The following MTERF4 variants were observed in gnomAD, a reference collection of about 807,000 sequenced individuals.
MTERF4 encodes the protein transcription termination factor 4, mitochondrial.
In MTERF4, 17 loss-of-function variants were observed where a neutral mutation model predicts 22.5. The ratio of observed to expected loss-of-function variants is 0.75; its 90% CI spans 0.52 to 1.13. The LOEUF is 1.13. Among genes scored for constraint, MTERF4 ranks in the 50% most tolerant of loss-of-function variants. MTERF4 has a pLI of 0.00. For synonymous variants in MTERF4, 165 were observed against 175.3 expected (o/e 0.94, Z 0.47); for missense variants, 420 against 466.8 (o/e 0.90, Z 0.92).
the MTERF4 span, chr2:241,065,424 T>C: frequency 6.2e-7 from 1 of 1,613,014 alleles, no homozygotes. Flanking sequence ...CACCTACGTC[T>C]CCTCCGACGG....
At chr2:241,068,788 G>A (rs572032564), downstream of MTERF4, 35 of 671,330 alleles carry the variant, frequency 5.2e-5, 1 homozygote, top group South Asian at 6.3e-4. The surrounding 1 kb of genome is among the most constrained non-coding windows in gnomAD (Gnocchi z 5.3). Context: ...GGTTGCCTGG[G>A]CCACCAGCAG....
At chr2:241,071,868 C>G, downstream of MTERF4, 10 of 1,600,550 alleles carry the variant, frequency 6.2e-6, no homozygotes, top group Non-Finnish European at 8.5e-6. Flanking sequence ...AAGCAGCCAC[C>G]GTGAGATCAC....
chr2:241,067,702 C>T (rs1191090088), downstream of MTERF4: 19 of 1,437,560 alleles, frequency 1.3e-5, no homozygotes, highest in Non-Finnish European at 1.7e-5. Flanking sequence ...TCATCTTGAG[C>T]CCCTGCACTC....
At chr2:241,052,056 G>T in the MTERF4 span, 3 of 1,613,774 alleles carry the variant, frequency 1.9e-6, no homozygotes, top group Admixed American at 5.0e-5. Context: ...CCAGACTCGT[G>T]TGCCTCTGGC....
At chr2:241,097,523 A>C in intron 2 of MTERF4, 96 bp from the exon 3 acceptor site, 1 of 1,202,188 alleles carries the variant, frequency 8.3e-7, no homozygotes, top group East Asian at 2.3e-5. Flanking sequence ...ATTTAAAAAC[A>C]AACAAGGATC....
chr2:241,049,830 C>A, the MTERF4 span: 2 of 1,613,752 alleles, frequency 1.2e-6, no homozygotes, highest in African/African-American at 1.3e-5. Context: ...TGCCATCACC[C>A]TGCGACTCGG....
At chr2:241,071,723 ACATG>A, downstream of MTERF4, 1 of 1,144,984 alleles carries the variant, frequency 8.7e-7, no homozygotes, top group Non-Finnish European at 1.2e-6. Flanking sequence ...CCCCCCAGGT[ACATG>A]CCCCACCCAT....
the MTERF4 span, chr2:241,063,794 G>A: frequency 1.0e-6 from 1 of 991,128 alleles, no homozygotes; most frequent in Non-Finnish European, 1.5e-6. Flanking sequence ...CTGCTGGGCA[G>A]GCCACCTGGG....
the MTERF4 span, chr2:241,064,706 G>A: frequency 2.6e-5 from 16 of 607,648 alleles, no homozygotes; most frequent in East Asian, 4.4e-4. This position sits in a 1 kb window ranked among gnomAD's most constrained non-coding sequence, Gnocchi z 7.0. Flanking sequence ...AGAACCGAAG[G>A]GAGGCAGTAG....
At position 241,099,617 on chromosome 2, in the gene MTERF4, A is replaced by G. The variant is rs1285406214; in HGVS notation, c.299T>C (p.Leu100Pro). Reference protein sequence around the residue: ...LELERVMSSLLDMGFSNAHIN... With the variant: ...LELERVMSSLPDMGFSNAHIN... ...ATGGGCATTGCTGAAACCCATGTCC[A>G]GGAGGGAACTCATGACCCTCTCTAG... Residue 100 changes from leucine (L) to proline (P), a missense_variant, in exon 2 of 4, where the codon CTG becomes CCG. Transcript: ENST00000391980. 4.3e-6 allele frequency: 7 copies of G among 1,614,130 alleles called. No homozygotes were observed. Among genetic ancestry groups the G allele is most frequent in the Admixed American group, 1.7e-5 (1 of 60,012 alleles).
chr2:241,043,790 A>G, the MTERF4 span, among the ~76,000 whole-genome samples: 1 of 152,230 alleles, frequency 6.6e-6, no homozygotes, highest in African/African-American at 2.4e-5. Flanking sequence ...CAACTCTACC[A>G]TTGTAATGTG....
the MTERF4 span, among the ~76,000 whole-genome samples, chr2:241,050,778 G>A: frequency 6.6e-6 from 1 of 152,140 alleles, no homozygotes; most frequent in South Asian, 2.1e-4. Context: ...AGCTGACTCT[G>A]GCCCTACTCC....
chr2:241,072,444 G>C (rs539443005), exon 5 of MTERF4: 75 of 357,188 alleles, frequency 2.1e-4, no homozygotes, highest in African/African-American at 1.5e-3. Context: ...GAGTGAGGCA[G>C]GCGCGACCCT....
chr2:241,089,264 C>T (rs185064626), downstream of MTERF4: 34 of 1,541,308 alleles, frequency 2.2e-5, no homozygotes, highest in East Asian at 6.6e-4. Context: ...TCTTCCTGCC[C>T]CTTATAGGAG....
rs561116073 is a variant in MTERF4 at position 241,075,041 on chromosome 2, C to G, written n.1121G>C. On this transcript the variant is annotated non_coding_transcript_exon_variant, in exon 5 of 5. Coordinates refer to the MTERF4 transcript ENST00000464344. This position sits in a 1 kb window ranked among gnomAD's most constrained non-coding sequence, Gnocchi z 4.8. ...TGTGATCGTTAGACCTGTGTTTTCA[C>G]TCCGCATTCTCGGACTGAGGTTGGC... The G allele has an allele frequency of 1.3e-5, 2 of 152,348 alleles. No homozygotes were observed. Among genetic ancestry groups the G allele is most frequent in the Admixed American group, 6.5e-5 (1 of 15,300 alleles). 9.4% of individuals were successfully genotyped at this position (152,348 alleles called of 1,614,324 possible). A position where few individuals can be genotyped will look rare whatever the true frequency, so the allele number is the denominator to read the frequency against.
downstream of MTERF4, among the ~76,000 whole-genome samples, chr2:241,070,951 C>T (rs1177660288): frequency 3.3e-5 from 5 of 152,196 alleles, no homozygotes; most frequent in East Asian, 5.8e-4. Context: ...GCTGGGGACA[C>T]GAAGTGCATA....
chr2:241,070,317 A>G (rs947459662), downstream of MTERF4: 126 of 1,126,446 alleles, frequency 1.1e-4, no homozygotes, highest in African/African-American at 1.7e-3. Context: ...GCCTAGAAAC[A>G]GGACCGTGTT....
chr2:241,051,879 G>T, the MTERF4 span: 6 of 1,520,758 alleles, frequency 3.9e-6, no homozygotes, highest in East Asian at 1.2e-4. This position sits in a 1 kb window ranked among gnomAD's most constrained non-coding sequence, Gnocchi z 4.7. Context: ...CCCAGGGGCA[G>T]GGGGGAGGGC....
chr2:241,066,850 C>T, the MTERF4 span, among the ~76,000 whole-genome samples: 1 of 152,180 alleles, frequency 6.6e-6, no homozygotes, highest in African/African-American at 2.4e-5. Flanking sequence ...GCATTCAAGG[C>T]AGCTTGAGCC....
Sources: gnomAD v4.1 joint callset for allele counts (sites outside exome capture counted in the v4.1 genomes callset) on GRCh38, gnomAD v4.1.1 for gene constraint, Gnocchi (gnomAD v3.1) non-coding constraint, MANE v1.5 for transcripts, NCBI Gene and HGNC (gene_info 2026-07-23, HGNC 2026-07-21) for gene names.